The following TENM3 variants were observed in gnomAD, a reference collection of about 807,000 sequenced individuals.
TENM3 encodes the protein teneurin-3.
In TENM3, 63 loss-of-function variants were observed where a neutral mutation model predicts 255.1. The ratio of observed to expected loss-of-function variants is 0.25; its 90% CI spans 0.20 to 0.30. TENM3 has a LOEUF of 0.30. Ranked by LOEUF, TENM3 falls within the 10% of genes least tolerant of loss-of-function variation. The pLI, the probability that TENM3 is intolerant of heterozygous loss-of-function variation, is 1.00. For synonymous variants in TENM3, 1,306 were observed against 1,322.3 expected (o/e 0.99, Z 0.27); for missense variants, 2,929 against 3,461.1 (o/e 0.85, Z 3.86).
chr4:182,320,228 C>G (rs1369949076), intron 1 of TENM3, among the ~76,000 whole-genome samples: 1 of 152,218 alleles, frequency 6.6e-6, no homozygotes. Flanking sequence ...GCCATCAGGT[C>G]TCTGTGTTAG....
At chr4:181,835,263 A>G in the TENM3 span, among the ~76,000 whole-genome samples, 1 of 152,214 alleles carries the variant, frequency 6.6e-6, no homozygotes, top group Non-Finnish European at 1.5e-5. Context: ...AACTAAATTT[A>G]TCTAACCATG....
chr4:182,680,149 C>A, intron 8 of TENM3, 99 bp from the exon 9 acceptor site: 1 of 913,766 alleles, frequency 1.1e-6, no homozygotes, highest in Non-Finnish European at 1.8e-6. Flanking sequence ...TGCTTTACTA[C>A]TCAAATTATC....
At chr4:182,599,649 A>G (rs1747638138) in intron 3 of TENM3, among the ~76,000 whole-genome samples, 1 of 152,204 alleles carries the variant, frequency 6.6e-6, no homozygotes, top group African/African-American at 2.4e-5. Context: ...ATTACATATT[A>G]TGTATTCATT....
intron 1 of TENM3, among the ~76,000 whole-genome samples, chr4:182,190,060 A>G (rs1463337952): frequency 6.6e-6 from 1 of 152,186 alleles, no homozygotes; most frequent in Non-Finnish European, 1.5e-5. Context: ...CAAGTATTAT[A>G]TTTTGAGTTC....
the TENM3 span, among the ~76,000 whole-genome samples, chr4:181,510,618 A>C: frequency 6.6e-6 from 1 of 152,244 alleles, no homozygotes; most frequent in Admixed American, 6.5e-5. Context: ...AGACATCCTC[A>C]TAAACACAAC....
the TENM3 span, among the ~76,000 whole-genome samples, chr4:181,862,644 T>C: frequency 6.6e-6 from 1 of 152,158 alleles, no homozygotes; most frequent in African/African-American, 2.4e-5. Context: ...AAATTTCTTT[T>C]CCATGTGTTT....
In TENM3 at chr4:182,799,640, C is replaced by G; in HGVS notation, c.7389C>G (p.Ala2463=). 6.5e-7 allele frequency: 1 copy of G among 1,546,662 alleles called. No individual in the cohort carries two copies. Residue 2463 remains alanine (A), a synonymous_variant, in exon 28 of 28, where the codon GCC becomes GCG. Transcript: ENST00000511685. The surrounding 1 kb of genome is among the most constrained non-coding windows in gnomAD (Gnocchi z 4.2). ...AGCAAGTGGCGCGGCAGGCCAAGGC[C>G]TTCCTGTCGCTGGGGAAGATGGCCG... ...VQQQVARQAK[A]FLSLGKMAEV...
chr4:182,683,228 A>G (rs1756310602), intron 11 of TENM3, among the ~76,000 whole-genome samples: 1 of 152,190 alleles, frequency 6.6e-6, no homozygotes, highest in African/African-American at 2.4e-5. Context: ...CTTCACAAAG[A>G]TGCTGTGGGA....
intron 24 of TENM3, among the ~76,000 whole-genome samples, chr4:182,777,505 G>GT: frequency 8.1e-6 from 1 of 123,182 alleles, no homozygotes; most frequent in East Asian, 2.5e-4. Context: ...TATACATAAT[G>GT]TGTTTATGTG....
intron 3 of TENM3, among the ~76,000 whole-genome samples, chr4:182,562,014 A>AGATG (rs1433133802): frequency 1.3e-5 from 2 of 151,970 alleles, no homozygotes; most frequent in Non-Finnish European, 2.9e-5. Context: ...ATAGATAGAT[A>AGATG]GATAGATAGA....
At chr4:181,530,961 T>C in the TENM3 span, among the ~76,000 whole-genome samples, 3 of 151,924 alleles carry the variant, frequency 2.0e-5, no homozygotes, top group Non-Finnish European at 4.4e-5. Flanking sequence ...TGCTACTTCC[T>C]TTTTTTTAAT....
intron 3 of TENM3, among the ~76,000 whole-genome samples, chr4:182,377,443 A>T (rs1767255040): frequency 6.6e-6 from 1 of 152,080 alleles, no homozygotes; most frequent in Admixed American, 6.5e-5. Flanking sequence ...CCTTGCGAAT[A>T]GCTGGTATTA....
the TENM3 span, among the ~76,000 whole-genome samples, chr4:181,514,794 A>G: frequency 6.6e-6 from 1 of 152,320 alleles, no homozygotes; most frequent in East Asian, 1.9e-4. Context: ...GACATTTATT[A>G]TTGCAAAACC....
chr4:182,296,542 C>A (rs1478321783), intron 1 of TENM3, among the ~76,000 whole-genome samples: 1 of 152,120 alleles, frequency 6.6e-6, no homozygotes, highest in Non-Finnish European at 1.5e-5. Flanking sequence ...TTGGCTGTAA[C>A]TAGTGGAGTT....
the TENM3 span, among the ~76,000 whole-genome samples, chr4:181,607,106 C>G: frequency 6.6e-6 from 1 of 152,216 alleles, no homozygotes; most frequent in East Asian, 1.9e-4. Flanking sequence ...AGGGCCTGCT[C>G]TCAGCCAAAA....
At chr4:181,888,025 CTAT>C in the TENM3 span, among the ~76,000 whole-genome samples, 1 of 151,896 alleles carries the variant, frequency 6.6e-6, no homozygotes, top group Non-Finnish European at 1.5e-5. Context: ...CTATTCTAGC[CTAT>C]TGTTTTATTT....
At chr4:182,113,674 AAT>A in the TENM3 span, among the ~76,000 whole-genome samples, 1 of 152,098 alleles carries the variant, frequency 6.6e-6, no homozygotes, top group Non-Finnish European at 1.5e-5. Context: ...AATACGAGCA[AAT>A]GTGTGTGTGG....
the TENM3 span, among the ~76,000 whole-genome samples, chr4:181,741,472 T>TA: frequency 0.037 from 5,589 of 152,212 alleles, 155 homozygotes; most frequent in Middle Eastern, 0.12. Flanking sequence ...ATTTATTAGT[T>TA]AAAAAAAGGA....
chr4:182,151,577 C>T (rs1750357797), intron 1 of TENM3, among the ~76,000 whole-genome samples: 1 of 151,938 alleles, frequency 6.6e-6, no homozygotes. Context: ...TTATTTCTTT[C>T]AGAATTTATA....
Sources: allele counts gnomAD v4.1 joint callset (sites outside exome capture counted in the v4.1 genomes callset), GRCh38; gene constraint gnomAD v4.1.1; non-coding constraint Gnocchi (gnomAD v3.1); transcripts MANE v1.5; gene names NCBI Gene and HGNC (gene_info 2026-07-23, HGNC 2026-07-21).